The following ATL2 variants were observed in gnomAD, a reference collection of about 807,000 sequenced individuals.
ATL2 encodes the protein atlastin-2.
A neutral mutation model predicts 73.9 loss-of-function variants in ATL2; 31 were observed. The observed-to-expected ratio is 0.42, with a 90% CI of 0.32 to 0.57. ATL2 has a LOEUF of 0.57. Among genes scored for constraint, ATL2 ranks in the 20% least tolerant of loss-of-function variants. The pLI is 0.14. For synonymous variants in ATL2, 291 were observed against 237.5 expected, an observed-to-expected ratio of 1.23 and a Z score of -2.07; for missense variants, 738 against 702.6, an observed-to-expected ratio of 1.05 and a Z score of -0.57.
At position 38,296,523 on chromosome 2, in the gene ATL2, C is replaced by T. The variant is rs758714389; in HGVS notation, c.1633-410G>A. 2.6e-5 allele frequency: 42 copies of T among 1,613,820 alleles called. 1 individual carries two copies. In the South Asian group the frequency reaches 4.0e-4, roughly 15 times the overall value. On this transcript the variant is annotated intron_variant, in intron 12 of 12. Coordinates refer to ENST00000378954, the MANE Select transcript of ATL2 (RefSeq NM_001135673.4). ...GTTATTGTTGGATGACAGTCTCTGT[C>T]GCTGTGCTGATGAAAGAGCACGGTG...
chr2:38,351,065 T>C (rs758628419), intron 1 of ATL2, among the ~76,000 whole-genome samples: 3 of 152,196 alleles, frequency 2.0e-5, no homozygotes, highest in Non-Finnish European at 4.4e-5. Flanking sequence ...GAATGAAAAG[T>C]ATATTTTATT....
chr2:38,313,103 T>A, intron 7 of ATL2, 48 bp downstream of exon 7: 1 of 1,388,102 alleles, frequency 7.2e-7, no homozygotes, highest in Non-Finnish European at 1.0e-6. Context: ...CCCACCCGTT[T>A]GCCTAGCTTG....
intron 9 of ATL2, 117 bp from the exon 10 acceptor site, chr2:38,300,445 G>C (rs1476919991): frequency 1.5e-6 from 1 of 653,668 alleles, no homozygotes; most frequent in Non-Finnish European, 2.6e-6. Context: ...TAAATTCTAG[G>C]CTTTAAAAAT....
At chr2:38,341,702 A>C (rs149460257) in intron 2 of ATL2, among the ~76,000 whole-genome samples, 1 of 152,360 alleles carries the variant, frequency 6.6e-6, no homozygotes, top group Non-Finnish European at 1.5e-5. Flanking sequence ...CAATGTCCCA[A>C]ACATGTAAAA....
intron 1 of ATL2, among the ~76,000 whole-genome samples, chr2:38,365,041 C>T (rs1671232173): frequency 7.2e-6 from 1 of 138,312 alleles, no homozygotes; most frequent in African/African-American, 3.1e-5. Context: ...GAGACTCCGT[C>T]TCAAAAAAAA....
intron 1 of ATL2, among the ~76,000 whole-genome samples, chr2:38,348,754 A>C (rs1369000325): frequency 1.3e-5 from 2 of 152,030 alleles, no homozygotes; most frequent in Non-Finnish European, 2.9e-5. Context: ...AATGGGAGAA[A>C]ATTTTCGCAA....
chr2:38,346,328 G>T (rs918064690), intron 1 of ATL2, among the ~76,000 whole-genome samples: 1 of 152,096 alleles, frequency 6.6e-6, no homozygotes, highest in Non-Finnish European at 1.5e-5. Context: ...CCACAGAGTA[G>T]CAACTAAATA....
At chr2:38,363,631 T>C (rs60849091) in intron 1 of ATL2, among the ~76,000 whole-genome samples, 18,634 of 152,192 alleles carry the variant, frequency 0.12, 3,372 homozygotes, top group African/African-American at 0.4. Context: ...AGTAAATGTG[T>C]AACTCACTGT....
chr2:38,306,580 CCAAT>C (rs199950658), intron 9 of ATL2, among the ~76,000 whole-genome samples: 23 of 152,192 alleles, frequency 1.5e-4, no homozygotes, highest in East Asian at 1.4e-3. Context: ...TCAACATACA[CCAAT>C]CAATCAATCA....
chr2:38,349,598 A>C (rs1670225592), intron 1 of ATL2, among the ~76,000 whole-genome samples: 2 of 151,654 alleles, frequency 1.3e-5, no homozygotes, highest in African/African-American at 4.9e-5. Flanking sequence ...GGTGCAGCAC[A>C]CCAGCATGGC....
intron 1 of ATL2, among the ~76,000 whole-genome samples, chr2:38,359,114 T>C (rs77624639): frequency 0.031 from 4,700 of 152,256 alleles, 250 homozygotes; most frequent in African/African-American, 0.11. Context: ...AAATATTTTC[T>C]CCCTTAGACT....
chr2:38,327,555 A>C (rs1668737091), intron 2 of ATL2, among the ~76,000 whole-genome samples: 1 of 151,392 alleles, frequency 6.6e-6, no homozygotes, highest in Non-Finnish European at 1.5e-5. Context: ...AAAAAAAAAA[A>C]ACACCAGAAA....
At chr2:38,359,851 G>C (rs1670901952) in intron 1 of ATL2, among the ~76,000 whole-genome samples, 1 of 152,074 alleles carries the variant, frequency 6.6e-6, no homozygotes, top group African/African-American at 2.4e-5. Flanking sequence ...AAGTTGGCCG[G>C]GCGCGGTGGC....
chr2:38,364,603 A>T (rs1461473717), intron 1 of ATL2, among the ~76,000 whole-genome samples: 1 of 152,248 alleles, frequency 6.6e-6, no homozygotes, highest in Non-Finnish European at 1.5e-5. Context: ...ACGACAATGT[A>T]CTACATTCCT....
chr2:38,340,391 G>A (rs1046721797), intron 2 of ATL2, among the ~76,000 whole-genome samples: 1 of 150,924 alleles, frequency 6.6e-6, no homozygotes, highest in Admixed American at 6.6e-5. Context: ...CCCTAAATAA[G>A]CAAATAAGAA....
rs528476605 is a variant in ATL2 at position 38,339,128 on chromosome 2, A to G, written c.363+4140T>C. On this transcript the variant is annotated intron_variant, in intron 2 of 12. Coordinates refer to ENST00000378954, the MANE Select transcript of ATL2 (RefSeq NM_001135673.4). ...CTACTCAGGAGGCTGAGGCGAGATAATCGCTTGAACTCAGGAGGCGGAGGT... is the reference window on the plus strand; with the variant it reads ...CTACTCAGGAGGCTGAGGCGAGATAGTCGCTTGAACTCAGGAGGCGGAGGT... Among the ~76,000 whole-genome samples, 4 of 152,286 alleles carry G rather than the reference A, an allele frequency of 2.6e-5. No individual in the cohort carries two copies. The South Asian group carries it at 8.3e-4, about 32-fold the overall frequency.
chr2:38,295,184 G>A lies in ATL2; in HGVS notation c.*810C>T, dbSNP rs967570629. ...ACTACAAAACTTTTAATACAAAATC[G>A]TATTTATATATTTATAAGTCATATA... On this transcript the variant is annotated 3_prime_UTR_variant, in exon 13 of 13. Transcript: ENST00000378954. The A allele has an allele frequency of 6.6e-5, 10 of 152,114 alleles. No homozygotes were observed. Among genetic ancestry groups the A allele is most frequent in the Admixed American group, 1.3e-4 (2 of 15,272 alleles). 9.4% of individuals were successfully genotyped at this position (152,114 alleles called of 1,614,324 possible). A position where few individuals can be genotyped will look rare whatever the true frequency, so the allele number is the denominator to read the frequency against.
intron 1 of ATL2, among the ~76,000 whole-genome samples, chr2:38,368,065 G>C (rs376780320): frequency 1.3e-5 from 2 of 151,566 alleles, no homozygotes; most frequent in Admixed American, 6.6e-5. Context: ...CTCCCCAACA[G>C]CTGGGACTAC....
chr2:38,314,373 C>G (rs79050738), intron 6 of ATL2, among the ~76,000 whole-genome samples: 2 of 152,116 alleles, frequency 1.3e-5, no homozygotes, highest in Non-Finnish European at 2.9e-5. Context: ...AAACATTACT[C>G]CCCTTAATCT....
Sources: gnomAD v4.1 joint callset for allele counts (sites outside exome capture counted in the v4.1 genomes callset) on GRCh38, gnomAD v4.1.1 for gene constraint, MANE v1.5 for transcripts, NCBI Gene and HGNC (gene_info 2026-07-23, HGNC 2026-07-21) for gene names.